Variants in ATXN2 observed in about 807,000 individuals in gnomAD.
The protein encoded by ATXN2 is ataxin-2.
ATXN2 carries 37 observed loss-of-function variants against 138.6 expected under a neutral mutation model. The observed-to-expected ratio is 0.27, with a 90% CI of 0.21 to 0.35. The LOEUF (loss-of-function observed/expected upper bound fraction) is 0.35. Among genes scored for constraint, ATXN2 ranks in the 10% least tolerant of loss-of-function variants. ATXN2 has a pLI of 1.00. For synonymous variants in ATXN2, 549 were observed against 543.7 expected (o/e 1.01, Z -0.13); for missense variants, 1,216 against 1,480.3 (o/e 0.82, Z 2.93).
intron 6 of ATXN2, among the ~76,000 whole-genome samples, chr12:111,524,264 T>A (rs1439974580): frequency 6.6e-6 from 1 of 152,212 alleles, no homozygotes. Flanking sequence ...AGGCTTCCTG[T>A]CTGAGGAAGA....
chr12:111,534,645 G>T (rs1322666009), intron 5 of ATXN2, among the ~76,000 whole-genome samples: 1 of 151,164 alleles, frequency 6.6e-6, no homozygotes, highest in Non-Finnish European at 1.5e-5. Flanking sequence ...GGTACATGAT[G>T]GAGACCACTG....
intron 14 of ATXN2, among the ~76,000 whole-genome samples, chr12:111,507,701 G>A (rs993838776): frequency 7.2e-5 from 11 of 152,266 alleles, no homozygotes; most frequent in East Asian, 1.9e-4. Flanking sequence ...TGACAATGGC[G>A]GCTTTGTGGA....
chr12:111,486,489 CT>C (rs1358501066), intron 16 of ATXN2, among the ~76,000 whole-genome samples: 1 of 152,188 alleles, frequency 6.6e-6, no homozygotes, highest in African/African-American at 2.4e-5. Flanking sequence ...GAGGACGTAT[CT>C]ATAAACCTGA....
intron 5 of ATXN2, among the ~76,000 whole-genome samples, chr12:111,537,434 A>G (rs1466594979): frequency 2.0e-5 from 3 of 151,896 alleles, no homozygotes; most frequent in Non-Finnish European, 4.4e-5. Context: ...AAAATATAAA[A>G]TTAGTAGGTG....
intron 1 of ATXN2, among the ~76,000 whole-genome samples, chr12:111,556,413 G>A (rs1001309664): frequency 7.2e-5 from 11 of 152,020 alleles, no homozygotes; most frequent in Admixed American, 4.6e-4. Flanking sequence ...ACCAATCACT[G>A]TTATAAAGAG....
intron 1 of ATXN2, among the ~76,000 whole-genome samples, chr12:111,594,325 A>G (rs973510002): frequency 2.0e-5 from 3 of 151,864 alleles, no homozygotes; most frequent in Non-Finnish European, 4.4e-5. Flanking sequence ...ATGAACAACT[A>G]CATTAAATCA....
At position 111,520,044 on chromosome 12, in the gene ATXN2, A is replaced by T. The variant is rs748065032; in HGVS notation, c.821T>A (p.Phe274Tyr). Residue 274 changes from phenylalanine to tyrosine, a missense_variant, in exon 8 of 25, where the codon TTT (phenylalanine) becomes TAT (tyrosine). Physicochemically the swap from Phe to Tyr is conservative, Grantham distance 22. Coordinates refer to ENST00000673436, the MANE Select transcript of ATXN2 (RefSeq NM_001372574.1). Reference protein sequence around the residue: ...VPLERDNSEEFLKREARANQL... With the variant: ...VPLERDNSEEYLKREARANQL... ...GTTTGCCCTTGCTTCCCGTTTTAAAAATTCTTCTGAGTTATCTCTTTCTAA... is the reference window on the plus strand; with the variant it reads ...GTTTGCCCTTGCTTCCCGTTTTAAATATTCTTCTGAGTTATCTCTTTCTAA... The T allele has an allele frequency of 6.2e-7, 1 of 1,614,028 alleles. No homozygotes were observed. The highest frequency in any genetic ancestry group is 1.7e-5 in the Admixed American group (1 of 60,008).
intron 14 of ATXN2, among the ~76,000 whole-genome samples, chr12:111,492,060 G>A (rs1201115589): frequency 1.3e-5 from 2 of 152,140 alleles, no homozygotes; most frequent in East Asian, 1.9e-4. Flanking sequence ...CATCAGTGGT[G>A]GCCAGAAAAT....
chr12:111,597,657 G>C, intron 1 of ATXN2: 2 of 460,888 alleles, frequency 4.3e-6, no homozygotes, highest in South Asian at 3.1e-5. Context: ...ACACACCCTC[G>C]AGTCAAACCC....
At chr12:111,533,010 C>T (rs999363083) in intron 5 of ATXN2, among the ~76,000 whole-genome samples, 6 of 152,156 alleles carry the variant, frequency 3.9e-5, no homozygotes, top group Non-Finnish European at 5.9e-5. Context: ...CTTAGAGGAA[C>T]AGAGAACACT....
At chr12:111,576,646 C>T (rs1883666552) in intron 1 of ATXN2, among the ~76,000 whole-genome samples, 1 of 151,720 alleles carries the variant, frequency 6.6e-6, no homozygotes, top group South Asian at 2.1e-4. Context: ...GCACAAATGG[C>T]CAATTTGTGT....
intron 1 of ATXN2, among the ~76,000 whole-genome samples, chr12:111,595,628 G>C: frequency 6.9e-6 from 1 of 145,186 alleles, no homozygotes; most frequent in Non-Finnish European, 1.5e-5. Flanking sequence ...GGCAAACACC[G>C]AGACTCTGTC....
rs1274183906 is a variant in ATXN2, at chr12:111,574,731, TCA to T, written c.252-18814_252-18813del. On this transcript the variant is annotated intron_variant, in intron 1 of 24. Coordinates refer to ENST00000673436, the MANE Select transcript of ATXN2 (RefSeq NM_001372574.1). The stretch of plus-strand genomic sequence containing the variant: ...AGCCACTGTGCCCAGCCAAAATTCC[TCA>T]TTTTCTTTTCCGTTTTTCATACTGT... 2.0e-5 allele frequency among the ~76,000 whole-genome samples: 3 copies of T among 152,130 alleles called. No individual in the cohort carries two copies. The East Asian group carries it at 5.8e-4, about 29-fold the overall frequency.
chr12:111,491,565 T>G (rs998456075), intron 14 of ATXN2, among the ~76,000 whole-genome samples: 1 of 152,112 alleles, frequency 6.6e-6, no homozygotes, highest in African/African-American at 2.4e-5. Context: ...TCAGCCACAG[T>G]AAAATAAAGC....
chr12:111,524,198 G>A (rs934827586), intron 6 of ATXN2, among the ~76,000 whole-genome samples: 2 of 152,176 alleles, frequency 1.3e-5, no homozygotes, highest in Non-Finnish European at 2.9e-5. Context: ...TTAATGACAT[G>A]TTGCCTGTGT....
At chr12:111,591,222 C>A (rs1380054462) in intron 1 of ATXN2, among the ~76,000 whole-genome samples, 1 of 152,032 alleles carries the variant, frequency 6.6e-6, no homozygotes, top group African/African-American at 2.4e-5. Flanking sequence ...TCATCCCCTG[C>A]CCCTATGGAA....
chr12:111,551,944 G>A (rs641084), intron 5 of ATXN2, among the ~76,000 whole-genome samples: 31,207 of 151,336 alleles, frequency 0.21, 3,342 homozygotes, highest in East Asian at 0.33. Flanking sequence ...GCAGTGGTGC[G>A]GTATCAGCTC....
intron 5 of ATXN2, among the ~76,000 whole-genome samples, chr12:111,534,989 AAAAC>A (rs1881064795): frequency 1.3e-5 from 2 of 151,986 alleles, no homozygotes; most frequent in African/African-American, 2.4e-5. Context: ...TAAACTAAAA[AAAAC>A]AAACAAAAAA....
chr12:111,539,799 A>G (rs1454711569), intron 5 of ATXN2, among the ~76,000 whole-genome samples: 1 of 150,280 alleles, frequency 6.7e-6, no homozygotes, highest in East Asian at 1.9e-4. Context: ...ATGATTCTGT[A>G]GAAGAACTAA....
Sources: gnomAD v4.1 joint callset for allele counts (sites outside exome capture counted in the v4.1 genomes callset) on GRCh38, gnomAD v4.1.1 for gene constraint, MANE v1.5 for transcripts, NCBI Gene and HGNC (gene_info 2026-07-23, HGNC 2026-07-21) for gene names.